Variants in SNTG1 observed in about 807,000 individuals in gnomAD.
The protein encoded by SNTG1 is syntrophin gamma 1, also known as gamma-1-syntrophin.
A neutral mutation model predicts 74.7 loss-of-function variants in SNTG1; 39 were observed. The observed-to-expected ratio is 0.52, with a 90% confidence interval of 0.40 to 0.68. SNTG1 has a LOEUF of 0.68. SNTG1 is among the 30% of genes least tolerant of loss of function. The pLI is 0.00. For synonymous variants in SNTG1, 254 were observed against 217.1 expected, an observed-to-expected ratio of 1.17 and a Z score of -1.49; for missense variants, 685 against 609.5, an observed-to-expected ratio of 1.12 and a Z score of -1.30.
intron 2 of SNTG1, among the ~76,000 whole-genome samples, chr8:50,303,562 G>T: frequency 6.6e-6 from 1 of 151,962 alleles, no homozygotes; most frequent in African/African-American, 2.4e-5. Context: ...TAATTTCATA[G>T]AACATATTAC....
chr8:50,085,505 A>C lies in SNTG1; in HGVS notation c.-102-87056A>C, dbSNP rs1586201087. Among the ~76,000 whole-genome samples the C allele has an allele frequency of 2.0e-5, 3 of 152,352 alleles. No individual in the cohort carries two copies. The South Asian group carries it at 6.2e-4, about 32-fold the overall frequency. On this transcript the variant is annotated intron_variant, in intron 1 of 18. Transcript: ENST00000642720. ...ATTTGAAGATCAAAGATAAGGCTCT[A>C]TGCACAGTGTAACCAGCATCCTCAT...
chr8:50,517,708 A>G (rs2094146106), intron 9 of SNTG1, among the ~76,000 whole-genome samples: 1 of 152,104 alleles, frequency 6.6e-6, no homozygotes, highest in Non-Finnish European at 1.5e-5. Context: ...AAAGACAAAG[A>G]AGGGCATTAT....
rs188711990 is a variant in SNTG1, at chr8:50,151,127, G to C, written c.-102-21434G>C. ...CTATTCAGGGATTCAACTTCTTCCT[G>C]GCTTAGTCTTGGGATGGTGTATGTG... is the stretch of plus-strand genomic sequence containing the variant. On this transcript the variant is annotated intron_variant, in intron 1 of 18. Coordinates refer to ENST00000642720, the MANE Select transcript of SNTG1 (RefSeq NM_018967.5). 3.1e-3 allele frequency among the ~76,000 whole-genome samples: 474 copies of C among 152,072 alleles called. 5 individuals are homozygous for C. Among genetic ancestry groups the C allele is most frequent in the Non-Finnish European group, 5.5e-3 (376 of 67,980 alleles).
At chr8:50,621,080 G>C (rs1194516295) in intron 13 of SNTG1, among the ~76,000 whole-genome samples, 1 of 135,508 alleles carries the variant, frequency 7.4e-6, no homozygotes, top group East Asian at 2.2e-4. Context: ...TTTTTTTTTT[G>C]AGATGTGGTT....
At chr8:50,720,058 A>G (rs1397999037) in intron 17 of SNTG1, among the ~76,000 whole-genome samples, 2 of 152,182 alleles carry the variant, frequency 1.3e-5, no homozygotes, top group East Asian at 1.9e-4. Context: ...AATTTAGGCA[A>G]CTGGCCCAAT....
intron 1 of SNTG1, among the ~76,000 whole-genome samples, chr8:50,018,500 G>A (rs976587779): frequency 1.3e-5 from 2 of 152,002 alleles, no homozygotes; most frequent in African/African-American, 4.8e-5. Flanking sequence ...AAAATGGACT[G>A]TAGACATGAA....
At chr8:50,597,085 G>A (rs569851520) in intron 13 of SNTG1, among the ~76,000 whole-genome samples, 4 of 151,558 alleles carry the variant, frequency 2.6e-5, no homozygotes, top group African/African-American at 9.7e-5. Context: ...CCCCTCCCTA[G>A]CCTCTGGTAA....
chr8:50,532,714 G>A (rs1286378712), intron 10 of SNTG1, among the ~76,000 whole-genome samples: 1 of 152,184 alleles, frequency 6.6e-6, no homozygotes, highest in Non-Finnish European at 1.5e-5. Context: ...TACAAAATTA[G>A]GAGAGGTCAA....
At chr8:50,151,368 G>A (rs978071956) in intron 1 of SNTG1, among the ~76,000 whole-genome samples, 2 of 151,922 alleles carry the variant, frequency 1.3e-5, no homozygotes, top group Admixed American at 6.6e-5. Flanking sequence ...ACCAGCTCCC[G>A]GTTTCACTGA....
At chr8:50,360,697 C>T (rs575810044) in intron 2 of SNTG1, among the ~76,000 whole-genome samples, 19 of 152,242 alleles carry the variant, frequency 1.2e-4, no homozygotes, top group African/African-American at 4.6e-4. Context: ...ATTGTAACAG[C>T]ACAGTATTTA....
At chr8:50,729,498 G>A (rs963549918) in intron 17 of SNTG1, among the ~76,000 whole-genome samples, 2 of 152,166 alleles carry the variant, frequency 1.3e-5, no homozygotes, top group African/African-American at 4.8e-5. Flanking sequence ...ATGTCATAGA[G>A]TTTGGCAAAT....
intron 2 of SNTG1, among the ~76,000 whole-genome samples, chr8:50,377,554 T>A (rs1413256553): frequency 6.6e-6 from 1 of 152,250 alleles, no homozygotes; most frequent in East Asian, 1.9e-4. Context: ...CTCCTCTAAG[T>A]GAAGAATCAA....
At chr8:50,700,117 G>A (rs192627139) in intron 15 of SNTG1, among the ~76,000 whole-genome samples, 59 of 152,240 alleles carry the variant, frequency 3.9e-4, no homozygotes, top group African/African-American at 1.4e-3. Flanking sequence ...GAGAATGAGG[G>A]TGAGAAAGAG....
At chr8:50,196,927 A>G (rs1381850146) in intron 2 of SNTG1, among the ~76,000 whole-genome samples, 1 of 152,116 alleles carries the variant, frequency 6.6e-6, no homozygotes, top group Non-Finnish European at 1.5e-5. Flanking sequence ...AGTTGCAGTG[A>G]GCTGAGATCA....
At chr8:50,302,264 A>G (rs2089685466) in intron 2 of SNTG1, among the ~76,000 whole-genome samples, 1 of 152,162 alleles carries the variant, frequency 6.6e-6, no homozygotes, top group South Asian at 2.1e-4. Flanking sequence ...CTAAGGGTTC[A>G]GTTAGCTGGG....
intron 11 of SNTG1, among the ~76,000 whole-genome samples, chr8:50,548,636 G>T (rs187839027): frequency 2.0e-5 from 3 of 151,892 alleles, no homozygotes; most frequent in Non-Finnish European, 4.4e-5. Flanking sequence ...TGGTAAGATC[G>T]AACAGTATTT....
rs576231259 is a variant in SNTG1 at position 50,750,526 on chromosome 8, T to TCA, written c.1285-1474_1285-1473dup. Among the ~76,000 whole-genome samples the TCA allele has an allele frequency of 2.6e-3, 395 of 151,994 alleles. 1 individual carries two copies. Among genetic ancestry groups the TCA allele is most frequent in the Middle Eastern group, 0.01 (3 of 294 alleles). On this transcript the variant is annotated intron_variant, in intron 17 of 18. Coordinates refer to ENST00000642720, the MANE Select transcript of SNTG1 (RefSeq NM_018967.5). ...TACAGAAAAATCTTTCATGAAACAGTCAATCAATGCAGCAGACTTCATTGC... is the reference window on the plus strand; with the variant it reads ...TACAGAAAAATCTTTCATGAAACAGTCACAATCAATGCAGCAGACTTCATTGC...
intron 13 of SNTG1, among the ~76,000 whole-genome samples, chr8:50,615,306 A>G (rs530671320): frequency 1.3e-5 from 2 of 152,310 alleles, no homozygotes; most frequent in South Asian, 4.1e-4. Context: ...GATATTTCTT[A>G]GAAGAAAAAA....
At chr8:50,653,252 T>C (rs1489858128) in intron 13 of SNTG1, among the ~76,000 whole-genome samples, 3 of 152,016 alleles carry the variant, frequency 2.0e-5, no homozygotes, top group Non-Finnish European at 4.4e-5. Flanking sequence ...AAGACCAGCC[T>C]GGGCAACATA....
Sources: gnomAD v4.1 joint callset for allele counts (sites outside exome capture counted in the v4.1 genomes callset) on GRCh38, gnomAD v4.1.1 for gene constraint, MANE v1.5 for transcripts, NCBI Gene and HGNC (gene_info 2026-07-23, HGNC 2026-07-21) for gene names.